DPH6: variants seen among roughly 807,000 people sequenced by gnomAD.
DPH6 encodes the protein diphthamine biosynthesis 6, also known as diphthine--ammonia ligase.
A neutral mutation model predicts 38.2 loss-of-function variants in DPH6; 33 were observed. The ratio of observed to expected loss-of-function variants is 0.86; its 90% CI spans 0.65 to 1.15. The LOEUF (loss-of-function observed/expected upper bound fraction) is 1.15. Ranked by LOEUF, DPH6 falls within the 50% of genes most tolerant of loss-of-function variation. The pLI is 0.00. For missense variants in DPH6, 325 were observed against 320.0 expected, an observed-to-expected ratio of 1.02 and a Z score of -0.12; for synonymous variants, 108 against 103.0, an observed-to-expected ratio of 1.05 and a Z score of -0.30.
chr15:35,219,630 T>C (rs2051430044), exon 4 of DPH6: 1 of 152,192 alleles, frequency 6.6e-6, no homozygotes, highest in African/African-American at 2.4e-5. Flanking sequence ...CACTCAAAAC[T>C]GGAATTATTG....
At chr15:35,520,321 G>A (rs542288534) in intron 3 of DPH6, 4 of 979,506 alleles carry the variant, frequency 4.1e-6, no homozygotes, top group Admixed American at 6.3e-5. Context: ...AAGTAAAATA[G>A]AAAAAGCAAG....
intron 3 of DPH6, among the ~76,000 whole-genome samples, chr15:35,483,008 C>A (rs2054346949): frequency 6.6e-6 from 1 of 151,524 alleles, no homozygotes. Context: ...ATAAAATTAC[C>A]TATTAAATTG....
intron 3 of DPH6, among the ~76,000 whole-genome samples, chr15:35,456,257 G>A (rs1366402908): frequency 6.6e-6 from 1 of 151,888 alleles, no homozygotes; most frequent in Non-Finnish European, 1.5e-5. Context: ...TGTAAATACA[G>A]TATAGATCAG....
At chr15:35,367,751 C>T (rs2052673254), downstream of DPH6, among the ~76,000 whole-genome samples, 1 of 151,570 alleles carries the variant, frequency 6.6e-6, no homozygotes, top group Non-Finnish European at 1.5e-5. Flanking sequence ...TAAGGGTCAT[C>T]ATATGTAAAG....
intron 3 of DPH6, among the ~76,000 whole-genome samples, chr15:35,308,945 A>T (rs1420795251): frequency 2.6e-5 from 4 of 152,250 alleles, no homozygotes; most frequent in Non-Finnish European, 4.4e-5. Flanking sequence ...TCAAGTTTAC[A>T]TACATTCTCA....
intron 5 of DPH6, among the ~76,000 whole-genome samples, chr15:35,447,860 A>T (rs2053876468): frequency 6.6e-6 from 1 of 152,044 alleles, no homozygotes; most frequent in African/African-American, 2.4e-5. Flanking sequence ...CTCCTCCCCC[A>T]TCATCTCATT....
Position 35,473,913 on chromosome 15 carries a change from AGTGTGTGTGTGTGTGTGTGTGT to A in DPH6, c.313-19115_313-19094del, listed in dbSNP as rs58549209. 6.4e-3 allele frequency among the ~76,000 whole-genome samples: 808 copies of A among 126,890 alleles called. 4 individuals carry two copies. Among genetic ancestry groups the A allele is most frequent in the African/African-American group, 0.02 (753 of 38,152 alleles). 83.2% of individuals were successfully genotyped at this position (126,890 alleles called of 152,430 possible). On this transcript the variant is annotated intron_variant, in intron 3 of 8. Coordinates refer to ENST00000256538, the MANE Select transcript of DPH6 (RefSeq NM_080650.4). ...AGGCAAGCGATAGAACACTGTGCAC[AGTGTGTGTGTGTGTGTGTGTGT>A]GTGTGTGTGTGTGTGTGTGTGTGCG...
chr15:35,322,987 A>T (rs996646111), intron 3 of DPH6, among the ~76,000 whole-genome samples: 2 of 152,194 alleles, frequency 1.3e-5, no homozygotes, highest in Non-Finnish European at 2.9e-5. Flanking sequence ...TTCAGAAGGA[A>T]TTTAACAACG....
At chr15:35,544,487 A>G (rs1337166684) in intron 1 of DPH6, among the ~76,000 whole-genome samples, 3 of 152,118 alleles carry the variant, frequency 2.0e-5, no homozygotes, top group Non-Finnish European at 4.4e-5. Flanking sequence ...TGTAACCCAG[A>G]ACTTAAAGTA....
intron 3 of DPH6, chr15:35,282,684 G>C (rs1248298245): frequency 5.0e-6 from 2 of 401,384 alleles, no homozygotes; most frequent in African/African-American, 2.1e-5. Flanking sequence ...ACCCAACTAG[G>C]TGCAATTTAC....
At chr15:35,200,599 T>C in the DPH6 span, among the ~76,000 whole-genome samples, 14 of 152,056 alleles carry the variant, frequency 9.2e-5, no homozygotes, top group Non-Finnish European at 1.8e-4. Flanking sequence ...GGAAAGACAA[T>C]GGTGAGTATT....
intron 3 of DPH6, among the ~76,000 whole-genome samples, chr15:35,314,182 A>G (rs2052167946): frequency 6.6e-6 from 1 of 152,314 alleles, no homozygotes; most frequent in African/African-American, 2.4e-5. Context: ...ATGGTCAACA[A>G]ATATGAAAAA....
At chr15:35,412,226 T>C (rs1204336965) in intron 5 of DPH6, among the ~76,000 whole-genome samples, 2 of 151,572 alleles carry the variant, frequency 1.3e-5, no homozygotes, top group East Asian at 3.9e-4. Context: ...AAGATATATA[T>C]AAGCATATGA....
intron 6 of DPH6, among the ~76,000 whole-genome samples, chr15:35,394,665 T>C (rs796244926): frequency 1.8e-4 from 28 of 152,342 alleles, no homozygotes; most frequent in African/African-American, 6.3e-4. Flanking sequence ...TCTAGCTACA[T>C]GATCTTAGGT....
intron 3 of DPH6, chr15:35,520,458 T>C (rs2054907941): frequency 1.0e-6 from 1 of 984,034 alleles, no homozygotes; most frequent in Non-Finnish European, 1.2e-6. Context: ...TTAAGTTCCA[T>C]ATATTTTCTA....
At chr15:35,532,874 C>T (rs774834129) in intron 3 of DPH6, among the ~76,000 whole-genome samples, 2 of 151,932 alleles carry the variant, frequency 1.3e-5, no homozygotes, top group Non-Finnish European at 2.9e-5. Flanking sequence ...GAGGCTGAGG[C>T]AGGCAGATCA....
At chr15:35,413,190 G>C (rs922906407) in intron 5 of DPH6, among the ~76,000 whole-genome samples, 4 of 151,632 alleles carry the variant, frequency 2.6e-5, no homozygotes, top group African/African-American at 9.7e-5. Flanking sequence ...TTGTGGTCTA[G>C]AGCATAATCA....
At chr15:35,545,036 CG>C (rs2055323858) in intron 1 of DPH6, among the ~76,000 whole-genome samples, 1 of 152,084 alleles carries the variant, frequency 6.6e-6, no homozygotes, top group South Asian at 2.1e-4. Context: ...GAAAGGGAAC[CG>C]GAATATTCCA....
At chr15:35,383,768 AGAC>A (rs990951209) in intron 6 of DPH6, among the ~76,000 whole-genome samples, 3 of 152,210 alleles carry the variant, frequency 2.0e-5, no homozygotes, top group African/African-American at 7.2e-5. Context: ...AAGCTCTAAT[AGAC>A]ACAAGTACTG....
Sources: allele counts gnomAD v4.1 joint callset (sites outside exome capture counted in the v4.1 genomes callset), GRCh38; gene constraint gnomAD v4.1.1; transcripts MANE v1.5; gene names NCBI Gene and HGNC (gene_info 2026-07-23, HGNC 2026-07-21).